Variants in ROBO1 observed in about 807,000 individuals in gnomAD.
ROBO1 encodes the protein roundabout homolog 1.
Under a neutral mutation model 195.9 loss-of-function variants are expected in ROBO1, and 149 were observed. The observed-to-expected ratio is 0.76, with a 90% confidence interval of 0.67 to 0.87. ROBO1 has a LOEUF of 0.87. Ranked by LOEUF, ROBO1 falls within the 40% of genes least tolerant of loss-of-function variation. ROBO1 has a pLI of 0.00. For synonymous variants in ROBO1, 816 were observed against 733.2 expected, an observed-to-expected ratio of 1.11 and a Z score of -1.82; for missense variants, 1,933 against 2,068.3, an observed-to-expected ratio of 0.93 and a Z score of 1.27.
chr3:79,459,948 T>C (rs2039750261), intron 2 of ROBO1, among the ~76,000 whole-genome samples: 1 of 152,152 alleles, frequency 6.6e-6, no homozygotes, highest in South Asian at 2.1e-4. Context: ...TAAAGCTGCA[T>C]TAGTAGTAAG....
chr3:78,668,012 T>C lies in ROBO1; in HGVS notation c.1837A>G (p.Asn613Asp), dbSNP rs1248452391. ...SGSSWQTVAE[N>D]VKTETSAIKG... ...ATGGCAGATGTTTCTGTTTTCACAT[T>C]CTCTGCTACGGTCTGCCAGCTGCTA... is the stretch of plus-strand genomic sequence containing the variant. The change falls in exon 14 of 31, where the codon AAT (asparagine) becomes GAT (aspartate). Residue 613 changes from asparagine (N) to aspartate (D), a missense_variant. Transcript: ENST00000464233. 16 of 1,613,592 alleles carry C rather than the reference T, an allele frequency of 9.9e-6. No homozygotes were observed. Among genetic ancestry groups the C allele is most frequent in the Non-Finnish European group, 1.4e-5 (16 of 1,179,760 alleles).
At chr3:79,386,337 C>T (rs553703795) in intron 2 of ROBO1, among the ~76,000 whole-genome samples, 95 of 151,708 alleles carry the variant, frequency 6.3e-4, no homozygotes, top group Non-Finnish European at 1.2e-3. Context: ...AATTTAAAAA[C>T]GGGGAAGAGG....
chr3:79,629,864 T>G lies in ROBO1; in HGVS notation c.-50-39903A>C, dbSNP rs1295315715. 2.6e-5 allele frequency among the ~76,000 whole-genome samples: 4 copies of G among 152,128 alleles called. No individual in the cohort carries two copies. The East Asian group carries it at 7.7e-4, about 29-fold the overall frequency. Reference sequence around the variant, plus strand: ...TATCAGAGGCTACTATGAGCATCTCTATGCACACAAAAAACCAGAAAATCT... The same window carrying G: ...TATCAGAGGCTACTATGAGCATCTCGATGCACACAAAAAACCAGAAAATCT... On this transcript the variant is annotated intron_variant, in intron 1 of 30. Transcript: ENST00000464233.
intron 2 of ROBO1, among the ~76,000 whole-genome samples, chr3:79,192,868 T>G (rs952520622): frequency 6.6e-6 from 1 of 151,662 alleles, no homozygotes; most frequent in Non-Finnish European, 1.5e-5. Flanking sequence ...GAAGGATTTT[T>G]GGGGTAGGAG....
intron 2 of ROBO1, among the ~76,000 whole-genome samples, chr3:79,391,855 T>C (rs1336281397): frequency 6.6e-6 from 1 of 152,170 alleles, no homozygotes; most frequent in Non-Finnish European, 1.5e-5. Context: ...AAAGTTCTTA[T>C]GATAAGATGA....
rs537388635 is a variant in ROBO1, at chr3:78,717,153, A to G, written c.917+122T>C. On this transcript the variant is annotated intron_variant, in intron 7 of 30. Transcript: ENST00000464233. ...TGCTTCTAATTATCTCCAGTATTGT[A>G]TCTGGCCCCTGATAGAGGATTCTAG... The G allele has an allele frequency of 2.8e-5, 28 of 1,004,686 alleles. 1 individual carries two copies. In the South Asian group the frequency reaches 4.9e-4, roughly 17 times the overall value. The allele number at this position is 1,004,686 out of a possible 1,614,324, so 62.2% of individuals were successfully genotyped here.
chr3:79,659,054 C>T (rs1946252434), intron 1 of ROBO1, among the ~76,000 whole-genome samples: 1 of 151,880 alleles, frequency 6.6e-6, no homozygotes, highest in Non-Finnish European at 1.5e-5. Flanking sequence ...TAATTTTTAA[C>T]ATGTTCAATT....
At chr3:79,470,084 C>T (rs942098503) in intron 2 of ROBO1, among the ~76,000 whole-genome samples, 2 of 152,092 alleles carry the variant, frequency 1.3e-5, no homozygotes, top group African/African-American at 2.4e-5. Flanking sequence ...TATACTAAAT[C>T]GTGCTGCTAT....
chr3:79,141,577 T>TC (rs1008551702), intron 2 of ROBO1, among the ~76,000 whole-genome samples: 7 of 151,328 alleles, frequency 4.6e-5, no homozygotes, highest in Non-Finnish European at 1.0e-4. Flanking sequence ...GTTTTTTTTT[T>TC]TTTTCTTTTC....
intron 3 of ROBO1, among the ~76,000 whole-genome samples, chr3:79,113,344 A>G (rs1026895660): frequency 6.6e-6 from 1 of 152,008 alleles, no homozygotes; most frequent in Admixed American, 6.6e-5. Flanking sequence ...TGAATCAGCA[A>G]TTGGCAAAAT....
chr3:78,989,839 C>A (rs979730560), intron 3 of ROBO1, among the ~76,000 whole-genome samples: 29 of 151,974 alleles, frequency 1.9e-4, no homozygotes, highest in Non-Finnish European at 2.5e-4. Flanking sequence ...TTCCATTGGA[C>A]AGGAACATTT....
chr3:79,492,641 C>A (rs979541964), intron 2 of ROBO1, among the ~76,000 whole-genome samples: 2 of 151,790 alleles, frequency 1.3e-5, no homozygotes, highest in East Asian at 1.9e-4. Context: ...AAAGAAATAA[C>A]CCTACTAAGA....
intron 2 of ROBO1, among the ~76,000 whole-genome samples, chr3:79,520,067 T>G (rs1452862932): frequency 6.7e-6 from 1 of 149,306 alleles, no homozygotes; most frequent in Non-Finnish European, 1.5e-5. Context: ...ACTTAGAAGG[T>G]AGGAGGATTG....
At chr3:79,411,342 T>C (rs2037756787) in intron 2 of ROBO1, among the ~76,000 whole-genome samples, 1 of 152,142 alleles carries the variant, frequency 6.6e-6, no homozygotes, top group Non-Finnish European at 1.5e-5. Flanking sequence ...CACAGACATA[T>C]TTAATGATCA....
chr3:79,558,205 C>G (rs903078830), intron 2 of ROBO1, among the ~76,000 whole-genome samples: 1 of 152,096 alleles, frequency 6.6e-6, no homozygotes, highest in Non-Finnish European at 1.5e-5. Context: ...CTTCCCCTTC[C>G]AACTTCTCTA....
At chr3:79,141,567 G>GTTTTT (rs11315738) in intron 2 of ROBO1, among the ~76,000 whole-genome samples, 1 of 139,410 alleles carries the variant, frequency 7.2e-6, no homozygotes, top group Non-Finnish European at 1.5e-5. Context: ...TGCTGTTGTT[G>GTTTTT]TTTTTTTTTT....
chr3:78,992,133 A>G (rs1436139032), intron 3 of ROBO1, among the ~76,000 whole-genome samples: 1 of 152,182 alleles, frequency 6.6e-6, no homozygotes, highest in Non-Finnish European at 1.5e-5. Context: ...AATAAGTGTA[A>G]GACTGAATAC....
intron 1 of ROBO1, among the ~76,000 whole-genome samples, chr3:79,633,669 G>T (rs1215765224): frequency 6.6e-6 from 1 of 151,712 alleles, no homozygotes; most frequent in Non-Finnish European, 1.5e-5. Context: ...TTGAATCAAG[G>T]CTTGATTCCT....
intron 3 of ROBO1, among the ~76,000 whole-genome samples, chr3:79,002,072 C>G (rs1403212075): frequency 3.3e-5 from 5 of 152,062 alleles, no homozygotes; most frequent in African/African-American, 4.8e-5. Flanking sequence ...TCATCCCACA[C>G]AGTGACAAGA....
Sources: allele counts gnomAD v4.1 joint callset (sites outside exome capture counted in the v4.1 genomes callset), GRCh38; gene constraint gnomAD v4.1.1; transcripts MANE v1.5; gene names NCBI Gene and HGNC (gene_info 2026-07-23, HGNC 2026-07-21).